GUSB: variants seen among roughly 807,000 people sequenced by gnomAD.
The protein encoded by GUSB is glucuronidase beta.
A neutral mutation model predicts 74.6 loss-of-function variants in GUSB; 51 were observed. That is an observed-to-expected ratio of 0.68 (90% CI 0.55 to 0.86). The LOEUF (loss-of-function observed/expected upper bound fraction) is 0.86, where lower values mean the gene tolerates loss of function less well. GUSB is among the 40% of genes least tolerant of loss of function. The pLI is 0.00. For missense variants in GUSB, 736 were observed against 853.7 expected, an observed-to-expected ratio of 0.86 and a Z score of 1.72; for synonymous variants, 360 against 348.3, an observed-to-expected ratio of 1.03 and a Z score of -0.37.
chr7:65,981,906 G>T (rs1164825652), intron 1 of GUSB, 68 bp downstream of exon 1: 2 of 1,356,504 alleles, frequency 1.5e-6, no homozygotes, highest in Non-Finnish European at 2.0e-6. Flanking sequence ...AGTCTGCGGG[G>T]GGCCCGGGCT....
chr7:65,961,788 G>A (rs890303079), intron 11 of GUSB, among the ~76,000 whole-genome samples: 6 of 152,210 alleles, frequency 3.9e-5, no homozygotes, highest in African/African-American at 1.2e-4. Flanking sequence ...CGGATCACAA[G>A]GTCAGGAGAT....
At chr7:65,975,842 C>G in intron 5 of GUSB, 173 bp downstream of exon 5, 2 of 561,648 alleles carry the variant, frequency 3.6e-6, no homozygotes, top group South Asian at 4.3e-5. Flanking sequence ...CAGAGTGAGA[C>G]CATCTCAAAA....
chr7:65,971,031 C>T lies in GUSB; in HGVS notation c.1392-665G>A, dbSNP rs182632678. Among the ~76,000 whole-genome samples the T allele has an allele frequency of 4.0e-3, 614 of 152,258 alleles. 3 individuals carry two copies. Among genetic ancestry groups the T allele is most frequent in the African/African-American group, 0.014 (578 of 41,542 alleles). ...TCTCTAACATCACTCCTTCTACCCCCATCTCCGAATCCTATACCCCCAGAG... is the reference window on the plus strand; with the variant it reads ...TCTCTAACATCACTCCTTCTACCCCTATCTCCGAATCCTATACCCCCAGAG... On this transcript the variant is annotated intron_variant, in intron 8 of 11. Transcript: ENST00000304895.
intron 10 of GUSB, among the ~76,000 whole-genome samples, chr7:65,966,778 T>A (rs1330033993): frequency 6.6e-6 from 1 of 150,888 alleles, no homozygotes; most frequent in Non-Finnish European, 1.5e-5. Flanking sequence ...AACAAGACCC[T>A]GAAAAAAAGA....
In GUSB at chr7:65,974,674, G is replaced by C. The variant is rs535768789; in HGVS notation, c.1096C>G (p.Leu366Val). Residue 366 changes from leucine (L) to valine (V), a missense_variant, in exon 7 of 12, where the codon CTG becomes GTG. This residue lies in a region of GUSB where 368 missense variants were observed against 489.9 expected (regional missense o/e 0.75). Coordinates refer to ENST00000304895, the MANE Select transcript of GUSB (RefSeq NM_000181.4). ...CGAAGCAGGTTGAAGTCCTTCACCA[G>C]CAGCGGCCAGTCGAAGCCCTTCCCT... ...IRGKGFDWPL[L>V]VKDFNLLRWL... is the part of the protein sequence containing the mutation. The C allele has an allele frequency of 1.9e-6, 3 of 1,613,504 alleles. No homozygotes were observed. Among genetic ancestry groups the C allele is most frequent in the South Asian group, 2.2e-5 (2 of 91,062 alleles).
chr7:65,976,177 GAC>G lies in GUSB; in HGVS notation c.748_749del (p.Val250GlnfsTer4). 1 of 1,613,140 alleles carries G rather than the reference GAC, an allele frequency of 6.2e-7. No homozygotes were observed. The highest frequency in any genetic ancestry group is 8.5e-7 in the Non-Finnish European group (1 of 1,179,654). On this transcript the variant is annotated frameshift_variant, in exon 5 of 12. Coordinates refer to ENST00000304895, the MANE Select transcript of GUSB (RefSeq NM_000181.4). LOFTEE classifies it high-confidence loss of function. ...DSGLVNYQIS[V>X]KGSNLFKLEV... ...CCAACTTGAACAGGTTACTGCCCTT[GAC>G]AGAGATCTGGTAATTCACCAGCCCT...
At chr7:65,975,095 G>A (rs775456194) in intron 5 of GUSB, 24 bp from the exon 6 acceptor site, 5 of 1,611,356 alleles carry the variant, frequency 3.1e-6, no homozygotes, top group Non-Finnish European at 1.7e-6. Context: ...AGCACCAGGT[G>A]TGAGCACCCC....
At chr7:65,968,018 CA>C in intron 9 of GUSB, 111 bp from the exon 10 acceptor site, 2 of 883,108 alleles carry the variant, frequency 2.3e-6, no homozygotes, top group Non-Finnish European at 3.7e-6. Flanking sequence ...GTAATCCCAG[CA>C]CTCTGGGAGG....
At chr7:65,974,201 C>A in intron 8 of GUSB, 94 bp downstream of exon 8, 2 of 1,239,272 alleles carry the variant, frequency 1.6e-6, no homozygotes, top group Non-Finnish European at 2.4e-6. Flanking sequence ...GGGCTGGACA[C>A]GAGGCCGATC....
chr7:65,968,416 G>T (rs923029990), intron 9 of GUSB, among the ~76,000 whole-genome samples: 1 of 152,118 alleles, frequency 6.6e-6, no homozygotes. Context: ...GCTGGGAAGG[G>T]CTGTGAGAGG....
At chr7:65,968,072 C>G (rs1483926382) in intron 9 of GUSB, among the ~76,000 whole-genome samples, 165 bp from the exon 10 acceptor site, 1 of 151,910 alleles carries the variant, frequency 6.6e-6, no homozygotes, top group African/African-American at 2.4e-5. Flanking sequence ...GGCAACACAG[C>G]AAGACTGCAG....
At chr7:65,975,907 C>G in intron 5 of GUSB, 108 bp downstream of exon 5, 1 of 841,226 alleles carries the variant, frequency 1.2e-6, no homozygotes, top group South Asian at 1.6e-5. Context: ...CATCAGAAAG[C>G]TCAGAGGACC....
chr7:65,968,241 A>AC (rs1790967397), intron 9 of GUSB, among the ~76,000 whole-genome samples: 1 of 151,928 alleles, frequency 6.6e-6, no homozygotes, highest in East Asian at 1.9e-4. Context: ...AAAAAAAAAA[A>AC]AAAAAAAAAA....
intron 8 of GUSB, among the ~76,000 whole-genome samples, chr7:65,972,840 A>G (rs1222422775): frequency 6.6e-6 from 1 of 152,140 alleles, no homozygotes; most frequent in East Asian, 1.9e-4. Context: ...TGTGCCCCCA[A>G]GCTCTGAATT....
rs775873162 is a variant in GUSB at position 65,961,003 on chromosome 7, C to A, written c.1850G>T (p.Ser617Ile). Residue 617 changes from serine to isoleucine, a missense_variant, in exon 12 of 12, where the codon AGT becomes ATT. Transcript: ENST00000304895. ...TCTCTCTCGCAAAAGGAACGCTGCA[C>A]TTTTTGGTTGTCTCTGCCGAGTGAA... ...GIFTRQRQPK[S>I]AAFLLRERYW... The A allele has an allele frequency of 1.9e-6, 3 of 1,613,314 alleles. No individual in the cohort carries two copies. In the East Asian group the frequency reaches 6.7e-5, roughly 36 times the overall value.
At chr7:65,980,575 T>C (rs1791942280) in intron 1 of GUSB, 166 bp from the exon 2 acceptor site, 1 of 681,872 alleles carries the variant, frequency 1.5e-6, no homozygotes, top group African/African-American at 1.8e-5. Flanking sequence ...GCCAGGGCGA[T>C]CTGTGCACCT....
At chr7:65,975,966 C>T (rs894389452) in intron 5 of GUSB, 49 bp downstream of exon 5, 2 of 1,533,656 alleles carry the variant, frequency 1.3e-6, no homozygotes, top group African/African-American at 1.4e-5. Context: ...CCAGGGTCAC[C>T]ACATGGGGGC....
chr7:65,972,240 C>T (rs984510078), intron 8 of GUSB, among the ~76,000 whole-genome samples: 1 of 151,990 alleles, frequency 6.6e-6, no homozygotes, highest in Non-Finnish European at 1.5e-5. Flanking sequence ...TGGCTCACTG[C>T]AACCTCCACC....
Position 65,976,134 on chromosome 7 carries a change from C to T in GUSB, c.793G>A (p.Ala265Thr), listed in dbSNP as rs1791558287. 6.2e-7 allele frequency: 1 copy of T among 1,613,654 alleles called. No homozygotes were observed. Among genetic ancestry groups the T allele is most frequent in the Non-Finnish European group, 8.5e-7 (1 of 1,179,728 alleles). ...CCATTCGCCACGACTTTGTTTTCTG[C>T]ATCCAAAAGACGCACTTCCAACTTG... ...LFKLEVRLLD[A>T]ENKVVANGTG... The change falls in exon 5 of 12, where the codon GCA (alanine) becomes ACA (threonine). Residue 265 changes from alanine (A) to threonine (T), a missense_variant. By Grantham distance (58) the Ala-to-Thr change is moderately conservative (BLOSUM62 0). Coordinates refer to ENST00000304895, the MANE Select transcript of GUSB (RefSeq NM_000181.4).
Sources: allele counts gnomAD v4.1 joint callset (sites outside exome capture counted in the v4.1 genomes callset), GRCh38; gene constraint gnomAD v4.1.1; regional missense constraint gnomAD v4.1.1; transcripts MANE v1.5; gene names NCBI Gene and HGNC (gene_info 2026-07-23, HGNC 2026-07-21).